KIF26B: variants seen among roughly 807,000 people sequenced by gnomAD.
KIF26B encodes kinesin family member 26B, also known as kinesin-like protein KIF26B.
KIF26B carries 63 observed loss-of-function variants against 151.2 expected under a neutral mutation model. The ratio of observed to expected loss-of-function variants is 0.42; its 90% CI spans 0.34 to 0.51. The LOEUF (loss-of-function observed/expected upper bound fraction) is 0.51, where lower values mean the gene tolerates loss of function less well. Among genes scored for constraint, KIF26B ranks in the 20% least tolerant of loss-of-function variants. The pLI is 0.07. For synonymous variants in KIF26B, 1,357 were observed against 1,262.1 expected (o/e 1.08, Z -1.59); for missense variants, 2,813 against 2,913.6 (o/e 0.97, Z 0.79).
chr1:245,507,799 C>G (rs543661507), intron 4 of KIF26B, among the ~76,000 whole-genome samples: 1 of 152,230 alleles, frequency 6.6e-6, no homozygotes, highest in South Asian at 2.1e-4. Flanking sequence ...AGCTGCTTGC[C>G]AACAGATGTT....
chr1:245,366,270 C>T (rs764994569), intron 2 of KIF26B, among the ~76,000 whole-genome samples: 3 of 152,296 alleles, frequency 2.0e-5, no homozygotes, highest in Admixed American at 6.5e-5. Context: ...TGGTGGCTCA[C>T]GCCTGTAATC....
chr1:245,347,470 G>A (rs1004220034), intron 2 of KIF26B, among the ~76,000 whole-genome samples: 1 of 152,008 alleles, frequency 6.6e-6, no homozygotes, highest in African/African-American at 2.4e-5. Context: ...ACAGGTGCAT[G>A]CTACCATACC....
chr1:245,604,065 C>T (rs2043424827), intron 6 of KIF26B, among the ~76,000 whole-genome samples: 1 of 152,180 alleles, frequency 6.6e-6, no homozygotes, highest in African/African-American at 2.4e-5. Flanking sequence ...CGAAACAGCA[C>T]CTGTTCCTTC....
At chr1:245,326,019 GC>G (rs1671984943) in intron 2 of KIF26B, among the ~76,000 whole-genome samples, 1 of 152,168 alleles carries the variant, frequency 6.6e-6, no homozygotes, top group African/African-American at 2.4e-5. Context: ...TGGATTTGAT[GC>G]AGGGCAGTGG....
chr1:245,343,206 C>A (rs1017524080), intron 2 of KIF26B, among the ~76,000 whole-genome samples: 5 of 151,950 alleles, frequency 3.3e-5, no homozygotes, highest in Non-Finnish European at 7.4e-5. Flanking sequence ...TAAATGACTT[C>A]CTTTGGTCTG....
chr1:245,573,904 G>A (rs1041616344), intron 5 of KIF26B, among the ~76,000 whole-genome samples: 1 of 152,182 alleles, frequency 6.6e-6, no homozygotes, highest in African/African-American at 2.4e-5. Flanking sequence ...CAGGCAGGAC[G>A]AAATGAGATG....
intron 4 of KIF26B, among the ~76,000 whole-genome samples, chr1:245,521,996 A>C (rs554368212): frequency 6.6e-6 from 1 of 151,438 alleles, no homozygotes; most frequent in Non-Finnish European, 1.5e-5. Context: ...CAGCCTCCCA[A>C]GTAGCTGGGA....
chr1:245,511,984 A>G (rs1660847712), intron 4 of KIF26B, among the ~76,000 whole-genome samples: 1 of 141,344 alleles, frequency 7.1e-6, no homozygotes, highest in African/African-American at 2.6e-5. Context: ...AGGAAGAGTA[A>G]CATAAGCTTT....
At chr1:245,445,422 G>C (rs932245138) in intron 4 of KIF26B, among the ~76,000 whole-genome samples, 1 of 152,186 alleles carries the variant, frequency 6.6e-6, no homozygotes, top group Non-Finnish European at 1.5e-5. Context: ...CAGATGAAAT[G>C]CTATGATTAT....
intron 5 of KIF26B, among the ~76,000 whole-genome samples, chr1:245,554,081 C>A (rs1624250): frequency 0.077 from 11,730 of 152,098 alleles, 825 homozygotes; most frequent in African/African-American, 0.19. Context: ...TTCTTCCTCC[C>A]ATGTCCCACC....
intron 2 of KIF26B, among the ~76,000 whole-genome samples, chr1:245,223,826 T>C (rs1216361059): frequency 6.6e-6 from 1 of 152,166 alleles, no homozygotes; most frequent in East Asian, 1.9e-4. Context: ...AAGGTAACGG[T>C]GGGTAAATTG....
chr1:245,436,526 T>A (rs1658937174), intron 4 of KIF26B, among the ~76,000 whole-genome samples: 1 of 152,218 alleles, frequency 6.6e-6, no homozygotes, highest in African/African-American at 2.4e-5. Flanking sequence ...AAAATCGGCA[T>A]GGCTGGAGAT....
At chr1:245,557,697 A>T (rs1299219015) in intron 5 of KIF26B, among the ~76,000 whole-genome samples, 8 of 152,194 alleles carry the variant, frequency 5.3e-5, no homozygotes, top group Non-Finnish European at 1.0e-4. Context: ...AGAGATGGGT[A>T]TCAGGTGAGG....
At chr1:245,163,066 GA>G (rs1558329817) in intron 2 of KIF26B, among the ~76,000 whole-genome samples, 1 of 152,130 alleles carries the variant, frequency 6.6e-6, no homozygotes, top group East Asian at 1.9e-4. Flanking sequence ...TTCTTCTTGT[GA>G]AAAAAAGAAT....
intron 9 of KIF26B, among the ~76,000 whole-genome samples, chr1:245,613,115 C>T (rs1323460276): frequency 3.9e-5 from 6 of 152,304 alleles, no homozygotes; most frequent in Middle Eastern, 3.4e-3. Flanking sequence ...CTCCATGTCC[C>T]GCTCTGCCGG....
At chr1:245,344,984 C>T (rs752900533) in intron 2 of KIF26B, among the ~76,000 whole-genome samples, 5 of 152,116 alleles carry the variant, frequency 3.3e-5, no homozygotes, top group Non-Finnish European at 7.4e-5. Context: ...GTAGCTAATT[C>T]TGCAGGAGAT....
intron 2 of KIF26B, among the ~76,000 whole-genome samples, chr1:245,236,784 C>T (rs540124454): frequency 3.9e-4 from 60 of 152,254 alleles, no homozygotes; most frequent in African/African-American, 1.3e-3. Context: ...TGTGTGTGGC[C>T]GTGAGCCCCG....
rs144989365 is a variant in KIF26B, at chr1:245,584,426, G to A, written c.1351-18151G>A. ...TTTCCACATGAAATAAACATTGACC[G>A]TCTTATCCAACTATACATGCTTCTT... On this transcript the variant is annotated intron_variant, in intron 5 of 14. Transcript: ENST00000407071. Among the ~76,000 whole-genome samples the A allele has an allele frequency of 3.6e-3, 547 of 152,262 alleles. 1 individual carries two copies. Among genetic ancestry groups the A allele is most frequent in the African/African-American group, 8.9e-3 (369 of 41,544 alleles).
At chr1:245,217,915 C>A (rs541349579) in intron 2 of KIF26B, among the ~76,000 whole-genome samples, 1 of 152,094 alleles carries the variant, frequency 6.6e-6, no homozygotes, top group Non-Finnish European at 1.5e-5. Flanking sequence ...TCTTGTCACC[C>A]GAATTTTACA....
Sources: gnomAD v4.1 joint callset for allele counts (sites outside exome capture counted in the v4.1 genomes callset) on GRCh38, gnomAD v4.1.1 for gene constraint, MANE v1.5 for transcripts, NCBI Gene and HGNC (gene_info 2026-07-23, HGNC 2026-07-21) for gene names.